Variants in ASPH observed in about 807,000 individuals in gnomAD.
The protein encoded by ASPH is aspartate beta-hydroxylase.
In ASPH, 100 loss-of-function variants were observed where a neutral mutation model predicts 118.4. That is an observed-to-expected ratio of 0.84 (90% CI 0.72 to 1.00). The LOEUF is 1.00. Ranked by LOEUF, ASPH falls within the 50% of genes least tolerant of loss-of-function variation. ASPH has a pLI of 0.00. For synonymous variants in ASPH, 315 were observed against 325.6 expected (o/e 0.97, Z 0.35); for missense variants, 920 against 919.5 (o/e 1.00, Z -0.01).
intron 14 of ASPH, among the ~76,000 whole-genome samples, chr8:61,608,059 T>C (rs969962113): frequency 5.3e-5 from 8 of 152,148 alleles, no homozygotes; most frequent in African/African-American, 1.9e-4. Flanking sequence ...AGGCAACATA[T>C]TTGCAGCACT....
intron 13 of ASPH, among the ~76,000 whole-genome samples, chr8:61,619,861 G>A (rs184797630): frequency 7.2e-5 from 11 of 152,214 alleles, no homozygotes; most frequent in South Asian, 4.1e-4. Context: ...CTAGGAATAC[G>A]GTCGTATGCA....
intron 16 of ASPH, among the ~76,000 whole-genome samples, chr8:61,568,163 GATGT>G (rs1172811852): frequency 1.3e-5 from 2 of 152,138 alleles, no homozygotes; most frequent in African/African-American, 4.8e-5. Flanking sequence ...GAAATGATCT[GATGT>G]ATGTATTGAA....
intron 18 of ASPH, among the ~76,000 whole-genome samples, chr8:61,558,207 G>T (rs1275071354): frequency 6.6e-6 from 1 of 152,180 alleles, no homozygotes; most frequent in Non-Finnish European, 1.5e-5. Flanking sequence ...TATAAGAGGG[G>T]CACCTGGCTC....
At chr8:61,628,192 A>G (rs1853817144) in intron 13 of ASPH, 1 of 163,392 alleles carries the variant, frequency 6.1e-6, no homozygotes, top group Non-Finnish European at 1.3e-5. Context: ...CAGGGTCTCA[A>G]TCTGTCACAC....
intron 24 of ASPH, 61 bp from the exon 25 acceptor site, chr8:61,503,570 C>A: frequency 6.8e-7 from 1 of 1,468,834 alleles, no homozygotes; most frequent in South Asian, 1.3e-5. Flanking sequence ...GTCTGAGGAT[C>A]GATTCCTGTC....
At chr8:61,628,062 C>T (rs1448853684) in intron 13 of ASPH, among the ~76,000 whole-genome samples, 2 of 152,102 alleles carry the variant, frequency 1.3e-5, no homozygotes, top group Admixed American at 1.3e-4. Flanking sequence ...TTACTAGTCT[C>T]TACCTCCTTG....
At chr8:61,619,127 T>C in intron 13 of ASPH, 108 bp from the exon 14 acceptor site, 1 of 698,662 alleles carries the variant, frequency 1.4e-6, no homozygotes, top group Non-Finnish European at 2.3e-6. Flanking sequence ...CAAAGAAAAA[T>C]ATATCTGAGC....
rs372915483 is a variant in ASPH at position 61,517,583 on chromosome 8, G to T, written c.2071C>A (p.Leu691Met). Reference sequence around the variant, plus strand: ...CCTTCCTTGGGAATCACCAAGCCCAGGTGCATTCGGAGCCTGCAGTTTGTG... The same window carrying T: ...CCTTCCTTGGGAATCACCAAGCCCATGTGCATTCGGAGCCTGCAGTTTGTG... The part of the protein sequence containing the change: ...GPTNCRLRMH[L>M]GLVIPKEGCK... The change falls in exon 24 of 25, where the codon CTG becomes ATG. Residue 691 changes from leucine (L) to methionine (M), a missense_variant. Coordinates refer to ENST00000379454, the MANE Select transcript of ASPH (RefSeq NM_004318.4). The T allele has an allele frequency of 2.5e-5, 40 of 1,614,042 alleles. No homozygotes were observed. The African/African-American group carries it at 5.2e-4, about 21-fold the overall frequency.
chr8:61,502,358 T>G lies in ASPH; in HGVS notation c.*1001A>C, dbSNP rs1203829836. 6.6e-6 allele frequency: 1 copy of G among 152,164 alleles called. No homozygotes were observed. The highest frequency in any genetic ancestry group is 1.9e-4 in the East Asian group (1 of 5,196). The allele number at this position is 152,164 out of a possible 1,614,324, so 9.4% of individuals were successfully genotyped here. ...TCTTTCTACAGAATTGTAGCAGAAA[T>G]CATCTCCAAGACTGAAGAGCTGGCT... On this transcript the variant is annotated 3_prime_UTR_variant, in exon 25 of 25. Coordinates refer to ENST00000379454, the MANE Select transcript of ASPH (RefSeq NM_004318.4).
rs755727749 is a variant in ASPH at position 61,517,535 on chromosome 8, C to T, written c.2119G>A (p.Glu707Lys). ...KEGCKIRCANETKTWEEGKVL... is the reference protein window; with the variant it reads ...KEGCKIRCANKTKTWEEGKVL... ...ATAACAGAGGACCCATACTTGGTCT[C>T]GTTGGCACATCGAATCTTGCAGCCT... The change falls in exon 24 of 25, where the codon GAG becomes AAG. Residue 707 changes from glutamate (E) to lysine (K), a missense_variant. By Grantham distance (56) the Glu-to-Lys change is moderately conservative. Transcript: ENST00000379454. 6.2e-6 allele frequency: 10 copies of T among 1,613,892 alleles called. No homozygotes were observed. Among genetic ancestry groups the T allele is most frequent in the African/African-American group, 2.7e-5 (2 of 74,922 alleles).
chr8:61,612,842 C>T (rs1588090494), intron 14 of ASPH, among the ~76,000 whole-genome samples: 2 of 152,158 alleles, frequency 1.3e-5, no homozygotes, highest in Admixed American at 6.5e-5. Context: ...AAACAAGAAC[C>T]CATCTGAAAA....
At chr8:61,636,694 T>C (rs934271510) in intron 12 of ASPH, among the ~76,000 whole-genome samples, 2 of 152,170 alleles carry the variant, frequency 1.3e-5, no homozygotes, top group East Asian at 3.9e-4. Context: ...AAAGGTAGGG[T>C]CAAATTGCAT....
At chr8:61,706,812 G>A (rs2151907227) in intron 1 of ASPH, among the ~76,000 whole-genome samples, 1 of 152,234 alleles carries the variant, frequency 6.6e-6, no homozygotes, top group South Asian at 2.1e-4. Context: ...TACATGCCTG[G>A]AACAAAATAG....
intron 13 of ASPH, chr8:61,624,066 G>T: frequency 2.9e-6 from 1 of 350,360 alleles, no homozygotes; most frequent in Non-Finnish European, 4.0e-6. Flanking sequence ...ATGGTTAATG[G>T]GTACAAAAAT....
At chr8:61,677,231 T>C (rs955945697) in intron 3 of ASPH, among the ~76,000 whole-genome samples, 2 of 152,108 alleles carry the variant, frequency 1.3e-5, no homozygotes, top group Admixed American at 1.3e-4. Context: ...TAAATCAAAG[T>C]ATATATTGTT....
chr8:61,559,443 G>A (rs1436903032), intron 18 of ASPH, among the ~76,000 whole-genome samples: 2 of 152,008 alleles, frequency 1.3e-5, no homozygotes, highest in African/African-American at 2.4e-5. Flanking sequence ...TAGACAGATT[G>A]TCTCTCTCTT....
intron 3 of ASPH, chr8:61,658,914 T>C (rs1370068113): frequency 6.6e-6 from 1 of 152,290 alleles, no homozygotes; most frequent in Non-Finnish European, 1.5e-5. Flanking sequence ...TGTCAGTTAC[T>C]AGGATAGGTG....
intron 3 of ASPH, chr8:61,658,406 A>G (rs1356180615): frequency 6.6e-6 from 1 of 152,260 alleles, no homozygotes; most frequent in Non-Finnish European, 1.5e-5. Context: ...GAAGGGACTC[A>G]ACAAAGACTG....
At chr8:61,517,882 G>A (rs941201933) in intron 23 of ASPH, 150 bp downstream of exon 23, 33 of 1,089,460 alleles carry the variant, frequency 3.0e-5, no homozygotes, top group Middle Eastern at 2.1e-4. Flanking sequence ...CAATTCTGAC[G>A]TCAACCACAT....
Sources: allele counts gnomAD v4.1 joint callset (sites outside exome capture counted in the v4.1 genomes callset), GRCh38; gene constraint gnomAD v4.1.1; transcripts MANE v1.5; gene names NCBI Gene and HGNC (gene_info 2026-07-23, HGNC 2026-07-21).